Variants in SMOC1 observed in about 807,000 individuals in gnomAD.
The protein encoded by SMOC1 is SPARC related modular calcium binding 1.
SMOC1 carries 22 observed loss-of-function variants against 56.3 expected under a neutral mutation model. The observed-to-expected ratio is 0.39, with a 90% CI of 0.28 to 0.56. The LOEUF is 0.56. Among genes scored for constraint, SMOC1 ranks in the 20% least tolerant of loss-of-function variants. The pLI, the probability that SMOC1 is intolerant of heterozygous loss-of-function variation, is 0.61. For missense variants in SMOC1, 509 were observed against 565.4 expected, an observed-to-expected ratio of 0.90 and a Z score of 1.01; for synonymous variants, 193 against 215.0, an observed-to-expected ratio of 0.90 and a Z score of 0.89.
At chr14:69,980,407 C>G (rs1884135519) in intron 5 of SMOC1, among the ~76,000 whole-genome samples, 1 of 152,144 alleles carries the variant, frequency 6.6e-6, no homozygotes, top group African/African-American at 2.4e-5. Context: ...GACTCATTCT[C>G]CCCTGGAGTC....
At chr14:69,995,284 T>C (rs1421547901) in intron 7 of SMOC1, among the ~76,000 whole-genome samples, 1 of 152,248 alleles carries the variant, frequency 6.6e-6, no homozygotes, top group African/African-American at 2.4e-5. Context: ...ATGAGTGTCC[T>C]GTCATTGGTC....
intron 1 of SMOC1, among the ~76,000 whole-genome samples, chr14:69,916,258 C>T (rs1490153159): frequency 6.6e-6 from 1 of 152,262 alleles, no homozygotes; most frequent in Admixed American, 6.5e-5. Flanking sequence ...TCCATCAGCA[C>T]ATCCTAGTGA....
At chr14:69,929,539 G>A (rs1885105862) in intron 1 of SMOC1, among the ~76,000 whole-genome samples, 1 of 152,156 alleles carries the variant, frequency 6.6e-6, no homozygotes, top group African/African-American at 2.4e-5. Flanking sequence ...TGCTACGTTG[G>A]CCACAGAGAT....
At chr14:69,999,739 C>T (rs868369196) in intron 7 of SMOC1, among the ~76,000 whole-genome samples, 45 of 152,192 alleles carry the variant, frequency 3.0e-4, no homozygotes, top group African/African-American at 9.4e-4. Flanking sequence ...TTTCCCTTTG[C>T]GGAGAGAAGC....
intron 3 of SMOC1, among the ~76,000 whole-genome samples, chr14:69,966,189 A>G (rs995831234): frequency 2.6e-5 from 4 of 152,168 alleles, no homozygotes; most frequent in Non-Finnish European, 5.9e-5. Context: ...TATATTTGAT[A>G]CTTAACCCCC....
At chr14:69,916,413 C>T (rs1260880010) in intron 1 of SMOC1, among the ~76,000 whole-genome samples, 1 of 152,254 alleles carries the variant, frequency 6.6e-6, no homozygotes, top group Non-Finnish European at 1.5e-5. Context: ...GGGCTCTACC[C>T]TCTGTAAGCA....
chr14:69,941,352 T>C (rs1882554630), intron 1 of SMOC1, among the ~76,000 whole-genome samples: 1 of 152,230 alleles, frequency 6.6e-6, no homozygotes, highest in African/African-American at 2.4e-5. Context: ...TGCATGTAGA[T>C]GCCTAGTGTA....
At chr14:69,966,857 T>C (rs1883595464) in intron 3 of SMOC1, among the ~76,000 whole-genome samples, 1 of 152,262 alleles carries the variant, frequency 6.6e-6, no homozygotes, top group Admixed American at 6.5e-5. Flanking sequence ...TGTGAAATCT[T>C]CTCTTTCAGC....
intron 3 of SMOC1, among the ~76,000 whole-genome samples, chr14:69,973,592 C>T (rs1883853810): frequency 6.6e-6 from 1 of 152,178 alleles, no homozygotes; most frequent in Non-Finnish European, 1.5e-5. Context: ...AAGGCATTGA[C>T]CAGAAGACCC....
intron 1 of SMOC1, among the ~76,000 whole-genome samples, chr14:69,887,079 CTCATCAGTGGGA>C (rs1387166342): frequency 1.3e-5 from 2 of 152,098 alleles, no homozygotes; most frequent in Non-Finnish European, 1.5e-5. Context: ...AGCCCAGATG[CTCATCAGTGGGA>C]GGGCAGATGA....
Position 69,948,864 on chromosome 14 carries a change from G to A in SMOC1, c.100-3274G>A, listed in dbSNP as rs574363957. Among the ~76,000 whole-genome samples, 21 of 152,196 alleles carry A rather than the reference G, an allele frequency of 1.4e-4. 1 individual carries two copies. The highest frequency in any genetic ancestry group is 5.2e-4 in the Admixed American group (8 of 15,286). On this transcript the variant is annotated intron_variant, in intron 1 of 11. Transcript: ENST00000361956. ...TAAAAGCCCAGAGAAGCTAGGCAAC[G>A]TTTCCAAGGTTAAACAGCATGTGGG...
chr14:69,888,868 A>G (rs1269204495), intron 1 of SMOC1, among the ~76,000 whole-genome samples: 2 of 152,318 alleles, frequency 1.3e-5, no homozygotes, highest in African/African-American at 4.8e-5. Flanking sequence ...GATAACAAAT[A>G]AAAGAGTGAG....
At position 70,013,510 on chromosome 14, in the gene SMOC1, A is replaced by T; in HGVS notation, c.1046+19A>T. ...GTGGGAGGTGAGATTGTGAGCAGGAATCAGGCCCAGGAGAAAAATGTGGGG... is the reference window on the plus strand; with the variant it reads ...GTGGGAGGTGAGATTGTGAGCAGGATTCAGGCCCAGGAGAAAAATGTGGGG... On this transcript the variant is annotated intron_variant, in intron 10 of 11. Transcript: ENST00000361956. 6.2e-7 allele frequency: 1 copy of T among 1,610,816 alleles called. No individual in the cohort carries two copies. Among genetic ancestry groups the T allele is most frequent in the Non-Finnish European group, 8.5e-7 (1 of 1,177,236 alleles).
chr14:69,968,569 A>G (rs757264328), intron 3 of SMOC1, among the ~76,000 whole-genome samples: 16 of 152,344 alleles, frequency 1.1e-4, no homozygotes, highest in Non-Finnish European at 2.2e-4. Flanking sequence ...TACTGCTCTG[A>G]CATGAAGCCA....
At chr14:69,883,093 G>C (rs1176541555) in intron 1 of SMOC1, among the ~76,000 whole-genome samples, 1 of 152,202 alleles carries the variant, frequency 6.6e-6, no homozygotes, top group Non-Finnish European at 1.5e-5. Context: ...GTTAAATCTA[G>C]CTAATTAATG....
chr14:69,930,502 C>A (rs1885138968), intron 1 of SMOC1, among the ~76,000 whole-genome samples: 2 of 152,198 alleles, frequency 1.3e-5, no homozygotes, highest in African/African-American at 4.8e-5. Flanking sequence ...CCCTTAGCAG[C>A]TGACTGGGTG....
At chr14:69,956,561 T>C (rs139147474) in intron 3 of SMOC1, among the ~76,000 whole-genome samples, 4 of 151,744 alleles carry the variant, frequency 2.6e-5, no homozygotes, top group Admixed American at 2.6e-4. Flanking sequence ...ATTTTAGCCC[T>C]GGGAATTATT....
chr14:69,985,539 G>T (rs1884335093), intron 5 of SMOC1, among the ~76,000 whole-genome samples: 1 of 152,200 alleles, frequency 6.6e-6, no homozygotes, highest in Non-Finnish European at 1.5e-5. Context: ...TGGCACAGTA[G>T]TACTGCCCTA....
Position 69,887,530 on chromosome 14 carries a change from AAATT to A in SMOC1, c.99+7758_99+7761del, listed in dbSNP as rs530011573. ...TGAGTGTATCATGAGCCAAAGATTAAAATTAATTCAATTCTTTGCATGTGAGGTC... is the reference window on the plus strand; with the variant it reads ...TGAGTGTATCATGAGCCAAAGATTAAAATTCAATTCTTTGCATGTGAGGTC... On this transcript the variant is annotated intron_variant, in intron 1 of 11. Coordinates refer to ENST00000361956, the MANE Select transcript of SMOC1 (RefSeq NM_001034852.3). Among the ~76,000 whole-genome samples, 707 of 152,308 alleles carry A rather than the reference AAATT, an allele frequency of 4.6e-3. 1 individual carries two copies. Among genetic ancestry groups the A allele is most frequent in the Non-Finnish European group, 7.2e-3 (491 of 68,016 alleles).
Sources: allele counts gnomAD v4.1 joint callset (sites outside exome capture counted in the v4.1 genomes callset), GRCh38; gene constraint gnomAD v4.1.1; transcripts MANE v1.5; gene names NCBI Gene and HGNC (gene_info 2026-07-23, HGNC 2026-07-21).